NALF1: variants seen among roughly 807,000 people sequenced by gnomAD.
NALF1 encodes family with sequence similarity 155 member A.
Under a neutral mutation model 48.4 loss-of-function variants are expected in NALF1, and 3 were observed. That is an observed-to-expected ratio of 0.06 (90% CI 0.03 to 0.16). NALF1 has a LOEUF of 0.16. NALF1 is among the 10% of genes least tolerant of loss of function. NALF1 has a pLI of 1.00. For synonymous variants in NALF1, 262 were observed against 245.7 expected, an observed-to-expected ratio of 1.07 and a Z score of -0.62; for missense variants, 526 against 571.5, an observed-to-expected ratio of 0.92 and a Z score of 0.81.
At chr13:107,843,854 G>A (rs1355218635) in intron 1 of NALF1, among the ~76,000 whole-genome samples, 1 of 152,124 alleles carries the variant, frequency 6.6e-6, no homozygotes, top group Non-Finnish European at 1.5e-5. Flanking sequence ...AAGATGTTTG[G>A]AGAGAAACGA....
At chr13:107,591,091 C>G (rs1878589807) in intron 1 of NALF1, among the ~76,000 whole-genome samples, 1 of 151,872 alleles carries the variant, frequency 6.6e-6, no homozygotes, top group East Asian at 1.9e-4. Flanking sequence ...ACCAGTGATC[C>G]AAATGCCTAA....
chr13:107,853,950 T>C (rs1363335846), intron 1 of NALF1, among the ~76,000 whole-genome samples: 4 of 152,226 alleles, frequency 2.6e-5, no homozygotes, highest in Non-Finnish European at 4.4e-5. Flanking sequence ...TACTTAAAGA[T>C]TGGATCAACT....
At position 107,850,437 on chromosome 13, in the gene NALF1, T is replaced by C. The variant is rs148086628; in HGVS notation, c.915+15245A>G. 9.2e-3 allele frequency among the ~76,000 whole-genome samples: 1,406 copies of C among 152,334 alleles called. 11 individuals are homozygous for C. Among genetic ancestry groups the C allele is most frequent in the Middle Eastern group, 0.024 (7 of 294 alleles). ...ATAGTATTATACTTGTTTATATTGG[T>C]TTCTATTATAAGTAATAGACTTTAC... On this transcript the variant is annotated intron_variant, in intron 1 of 2. Coordinates refer to ENST00000375915, the MANE Select transcript of NALF1 (RefSeq NM_001080396.3).
chr13:107,286,359 T>C (rs1200894837), intron 1 of NALF1, among the ~76,000 whole-genome samples: 1 of 151,994 alleles, frequency 6.6e-6, no homozygotes, highest in Non-Finnish European at 1.5e-5. Context: ...ATAGACCTGG[T>C]ACAGTGACTC....
At chr13:107,726,890 C>T (rs950142179) in intron 1 of NALF1, among the ~76,000 whole-genome samples, 34 of 150,210 alleles carry the variant, frequency 2.3e-4, no homozygotes, top group Non-Finnish European at 4.1e-4. Context: ...AGGCATGAGA[C>T]ACCACGCCCG....
intron 1 of NALF1, among the ~76,000 whole-genome samples, chr13:107,778,962 A>G (rs1877814663): frequency 6.6e-6 from 1 of 152,186 alleles, no homozygotes; most frequent in South Asian, 2.1e-4. Context: ...AAGTATTACT[A>G]TTTAACTATT....
At chr13:107,614,901 T>C (rs1306454046) in intron 1 of NALF1, among the ~76,000 whole-genome samples, 1 of 151,974 alleles carries the variant, frequency 6.6e-6, no homozygotes, top group African/African-American at 2.4e-5. Context: ...CTCAGCTTCC[T>C]GAGTAGCTGG....
intron 1 of NALF1, among the ~76,000 whole-genome samples, chr13:107,523,633 G>C (rs910069429): frequency 6.7e-6 from 1 of 150,324 alleles, no homozygotes; most frequent in Non-Finnish European, 1.5e-5. Context: ...GTTGGAGCAG[G>C]AGAGATTGCC....
chr13:107,795,842 T>G (rs1878406761), intron 1 of NALF1, among the ~76,000 whole-genome samples: 1 of 152,200 alleles, frequency 6.6e-6, no homozygotes, highest in Non-Finnish European at 1.5e-5. Context: ...TCAGTAGCAT[T>G]GTGTTATGCC....
rs895725962 is a variant in NALF1 at position 107,174,906 on chromosome 13, C to T, written c.1088-4120G>A. On this transcript the variant is annotated intron_variant, in intron 2 of 2. Coordinates refer to ENST00000375915, the MANE Select transcript of NALF1 (RefSeq NM_001080396.3). ...TTTTCTTTTTCTTTTTTTTTTGAGA[C>T]GGAGTCTCGCTCTGTCGCCCAGGCT... is the stretch of plus-strand genomic sequence containing the variant. Among the ~76,000 whole-genome samples, 11 of 150,772 alleles carry T rather than the reference C, an allele frequency of 7.3e-5. No individual in the cohort carries two copies. In the East Asian group the frequency reaches 1.2e-3, roughly 16 times the overall value.
chr13:107,425,363 C>A (rs1315218061), intron 1 of NALF1, among the ~76,000 whole-genome samples: 1 of 151,992 alleles, frequency 6.6e-6, no homozygotes, highest in Non-Finnish European at 1.5e-5. Context: ...AGCATAAAGA[C>A]AGCACATATT....
At chr13:107,187,322 C>A (rs1779011840) in intron 2 of NALF1, among the ~76,000 whole-genome samples, 1 of 152,210 alleles carries the variant, frequency 6.6e-6, no homozygotes, top group Non-Finnish European at 1.5e-5. Flanking sequence ...TCCACCACTT[C>A]TACCTTTGTG....
rs557124995 is a variant in NALF1, at chr13:107,320,418, T to A, written c.916-109663A>T. On this transcript the variant is annotated intron_variant, in intron 1 of 2. Transcript: ENST00000375915. ...ATTCCACTGTTAATCAGTGAAACCC[T>A]CAACTTCAAACGGACTTCTTCCAAA... Among the ~76,000 whole-genome samples, 4 of 152,236 alleles carry A rather than the reference T, an allele frequency of 2.6e-5. No homozygotes were observed. In the South Asian group the frequency reaches 8.3e-4, roughly 31 times the overall value.
At chr13:107,547,439 C>A (rs1449744252) in intron 1 of NALF1, among the ~76,000 whole-genome samples, 1 of 152,206 alleles carries the variant, frequency 6.6e-6, no homozygotes. Flanking sequence ...AATTTTTAAA[C>A]AATTGTTGAA....
intron 1 of NALF1, among the ~76,000 whole-genome samples, chr13:107,445,988 G>T (rs1319654291): frequency 6.6e-6 from 1 of 151,984 alleles, no homozygotes; most frequent in Non-Finnish European, 1.5e-5. Flanking sequence ...CGTCAGGCTG[G>T]AGTGCAGTGG....
chr13:107,230,789 G>A (rs957694615), intron 1 of NALF1, among the ~76,000 whole-genome samples: 1 of 152,128 alleles, frequency 6.6e-6, no homozygotes, highest in East Asian at 1.9e-4. Context: ...GCCAGGTTTA[G>A]TGGCTCATGG....
chr13:107,853,777 C>G (rs1225453105), intron 1 of NALF1, among the ~76,000 whole-genome samples: 4 of 152,028 alleles, frequency 2.6e-5, no homozygotes, highest in Non-Finnish European at 4.4e-5. Context: ...CTAAATAAAA[C>G]ACACAAAAAT....
intron 2 of NALF1, among the ~76,000 whole-genome samples, chr13:107,188,028 G>T (rs1029074612): frequency 1.3e-5 from 2 of 152,012 alleles, no homozygotes; most frequent in African/African-American, 4.8e-5. Flanking sequence ...AGAGAGACGG[G>T]AGGTAAAATT....
rs775091629 is a variant in NALF1, at chr13:107,866,139, C to T, written c.458G>A (p.Gly153Asp). The stretch of plus-strand genomic sequence containing the variant: ...AGAGTTTCCTAGAAAAAGAGCCTTG[C>T]CCCGGTCGTCTTTGCCTCGGTTGCC... ...GKGNRGKDDRGKALFLGNSAK... is the reference protein window; with the variant it reads ...GKGNRGKDDRDKALFLGNSAK... Residue 153 changes from glycine to aspartate, a missense_variant, in exon 1 of 3, where the codon GGC becomes GAC. Transcript: ENST00000375915. This position sits in a 1 kb window ranked among gnomAD's most constrained non-coding sequence, Gnocchi z 4.4. The T allele has an allele frequency of 1.9e-6, 3 of 1,611,228 alleles. No homozygotes were observed. The highest frequency in any genetic ancestry group is 1.7e-5 in the Admixed American group (1 of 59,766).
Sources: allele counts gnomAD v4.1 joint callset (sites outside exome capture counted in the v4.1 genomes callset), GRCh38; gene constraint gnomAD v4.1.1; non-coding constraint Gnocchi (gnomAD v3.1); transcripts MANE v1.5; gene names NCBI Gene and HGNC (gene_info 2026-07-23, HGNC 2026-07-21).